STK3: variants seen among roughly 807,000 people sequenced by gnomAD.
STK3 encodes the protein serine/threonine-protein kinase 3.
STK3 carries 41 observed loss-of-function variants against 58.0 expected under a neutral mutation model. The ratio of observed to expected loss-of-function variants is 0.71; its 90% CI spans 0.55 to 0.92. The LOEUF (loss-of-function observed/expected upper bound fraction) is 0.92, where lower values mean the gene tolerates loss of function less well. Among genes scored for constraint, STK3 ranks in the 40% least tolerant of loss-of-function variants. The probability of loss-of-function intolerance (pLI) is 0.00; values close to 1 mark genes in which losing one functional copy is unlikely to be tolerated. For synonymous variants in STK3, 170 were observed against 191.0 expected, an observed-to-expected ratio of 0.89 and a Z score of 0.91; for missense variants, 479 against 602.7, an observed-to-expected ratio of 0.79 and a Z score of 2.15.
intron 6 of STK3, chr8:98,599,008 A>C: frequency 1.8e-6 from 1 of 566,498 alleles, no homozygotes. Flanking sequence ...ATCAACAATG[A>C]CTGAACTTTA....
intron 2 of STK3, among the ~76,000 whole-genome samples, chr8:98,434,696 G>C (rs565626857): frequency 6.6e-6 from 1 of 152,326 alleles, no homozygotes; most frequent in East Asian, 1.9e-4. Flanking sequence ...GGAAACAGAG[G>C]GAGGGGAAAG....
chr8:98,562,026 A>G (rs1264716367), intron 8 of STK3, among the ~76,000 whole-genome samples: 1 of 152,166 alleles, frequency 6.6e-6, no homozygotes, highest in African/African-American at 2.4e-5. Context: ...CATACAAACT[A>G]CTGGTGCGCA....
chr8:98,778,717 C>T lies in STK3; in HGVS notation c.27-3898G>A, dbSNP rs1424494516. Among the ~76,000 whole-genome samples, 7 of 152,192 alleles carry T rather than the reference C, an allele frequency of 4.6e-5. No homozygotes were observed. The East Asian group carries it at 1.2e-3, about 25-fold the overall frequency. Reference sequence around the variant, plus strand: ...ATGCAGCCATAAAAAATGATGAGTTCATGTCCTTTGTAGGGACATGGATGA... The same window carrying T: ...ATGCAGCCATAAAAAATGATGAGTTTATGTCCTTTGTAGGGACATGGATGA... On this transcript the variant is annotated intron_variant, in intron 1 of 10. Transcript: ENST00000419617.
intron 2 of STK3, among the ~76,000 whole-genome samples, chr8:98,772,716 A>G (rs2131475364): frequency 6.6e-6 from 1 of 152,164 alleles, no homozygotes; most frequent in African/African-American, 2.4e-5. Flanking sequence ...TTAAAATAAA[A>G]AAAAATAAAA....
At chr8:98,912,883 T>G (rs1277448282) in intron 1 of STK3, among the ~76,000 whole-genome samples, 5 of 152,144 alleles carry the variant, frequency 3.3e-5, no homozygotes, top group Non-Finnish European at 7.4e-5. Context: ...TTGTTTTTTG[T>G]TTTTTTGACA....
chr8:98,810,527 T>A (rs1834151786), intron 1 of STK3, among the ~76,000 whole-genome samples: 1 of 152,158 alleles, frequency 6.6e-6, no homozygotes, highest in African/African-American at 2.4e-5. Context: ...TTACTAGTGA[T>A]GTCAAGCATC....
intron 9 of STK3, among the ~76,000 whole-genome samples, chr8:98,545,846 T>A (rs1271410832): frequency 6.6e-6 from 1 of 152,044 alleles, no homozygotes; most frequent in African/African-American, 2.4e-5. Context: ...ATTTAAGAAG[T>A]TTTAAAGATT....
At chr8:98,829,168 GCTAGCTGTGTT>G (rs1384149899), upstream of STK3, among the ~76,000 whole-genome samples, 1 of 152,170 alleles carries the variant, frequency 6.6e-6, no homozygotes, top group African/African-American at 2.4e-5. Flanking sequence ...GTGACCTAGG[GCTAGCTGTGTT>G]CCAGAGAATC....
intron 4 of STK3, among the ~76,000 whole-genome samples, chr8:98,725,277 C>A (rs568140097): frequency 1.3e-5 from 2 of 152,122 alleles, no homozygotes; most frequent in African/African-American, 4.8e-5. Context: ...GATATACATA[C>A]ATATGTGGTG....
At chr8:98,669,617 CT>C (rs1352720020) in intron 6 of STK3, among the ~76,000 whole-genome samples, 2 of 152,138 alleles carry the variant, frequency 1.3e-5, no homozygotes, top group African/African-American at 4.8e-5. Context: ...AACATGTTCT[CT>C]TAGGGTGCTT....
chr8:98,472,223 A>C (rs1381337922), intron 10 of STK3, among the ~76,000 whole-genome samples: 1 of 152,206 alleles, frequency 6.6e-6, no homozygotes, highest in Non-Finnish European at 1.5e-5. Context: ...ACACTATACA[A>C]TGCAGTTAAA....
At chr8:98,708,745 C>A (rs1372673498) in intron 4 of STK3, among the ~76,000 whole-genome samples, 3 of 152,126 alleles carry the variant, frequency 2.0e-5, no homozygotes, top group East Asian at 1.9e-4. Flanking sequence ...GTTCTTGGCA[C>A]AAAATCTCCT....
At chr8:98,476,216 C>A (rs1821299513) in intron 10 of STK3, among the ~76,000 whole-genome samples, 1 of 152,112 alleles carries the variant, frequency 6.6e-6, no homozygotes, top group South Asian at 2.1e-4. Context: ...CAGAGGCATG[C>A]AAGGAAGGTG....
At position 98,455,374 on chromosome 8, in the gene STK3, C is replaced by T. The variant is rs1819417645; in HGVS notation, c.*468G>A. 1 of 153,348 alleles carries T rather than the reference C, an allele frequency of 6.5e-6. No individual in the cohort carries two copies. Among genetic ancestry groups the T allele is most frequent in the African/African-American group, 2.4e-5 (1 of 41,306 alleles). The allele number at this position is 153,348 out of a possible 1,614,324, so 9.5% of individuals were successfully genotyped here. On this transcript the variant is annotated 3_prime_UTR_variant, in exon 11 of 11. Transcript: ENST00000419617. The stretch of plus-strand genomic sequence containing the variant: ...TTATCATCATATTAATATGACCCTA[C>T]CTTCACCAAAGCTATCCTGATCTTG...
At chr8:98,893,547 A>G (rs1838338741) in intron 1 of STK3, among the ~76,000 whole-genome samples, 1 of 149,272 alleles carries the variant, frequency 6.7e-6, no homozygotes, top group Non-Finnish European at 1.5e-5. Context: ...AAAAAGAAAG[A>G]GAAAGAGAAA....
chr8:98,410,638 T>C (rs1818043730), intron 3 of STK3, among the ~76,000 whole-genome samples: 1 of 152,220 alleles, frequency 6.6e-6, no homozygotes, highest in South Asian at 2.1e-4. Flanking sequence ...ACCATCTCTC[T>C]TGTCGACAGT....
chr8:98,673,556 C>T (rs1198715156), intron 6 of STK3, among the ~76,000 whole-genome samples: 1 of 151,908 alleles, frequency 6.6e-6, no homozygotes, highest in Non-Finnish European at 1.5e-5. Flanking sequence ...ATATATAAAT[C>T]CATAAAGACA....
chr8:98,773,818 C>T (rs565181011), intron 2 of STK3, among the ~76,000 whole-genome samples: 21 of 150,554 alleles, frequency 1.4e-4, no homozygotes, highest in African/African-American at 4.2e-4. Context: ...TTTTTTGAGA[C>T]GGAGCTTCGC....
intron 6 of STK3, among the ~76,000 whole-genome samples, chr8:98,629,927 CCT>C (rs1819052896): frequency 1.3e-5 from 2 of 152,100 alleles, no homozygotes; most frequent in South Asian, 4.2e-4. Flanking sequence ...AGAATAGTCC[CCT>C]GTTCTAATAA....
Sources: gnomAD v4.1 joint callset for allele counts (sites outside exome capture counted in the v4.1 genomes callset) on GRCh38, gnomAD v4.1.1 for gene constraint, MANE v1.5 for transcripts, NCBI Gene and HGNC (gene_info 2026-07-23, HGNC 2026-07-21) for gene names.